The following RIN2 variants were observed in gnomAD, a reference collection of about 807,000 sequenced individuals.
RIN2 encodes the protein RAB5 interacting protein 2.
RIN2 carries 36 observed loss-of-function variants against 78.0 expected under a neutral mutation model. The observed-to-expected ratio is 0.46, with a 90% CI of 0.35 to 0.61. The LOEUF is 0.61. Ranked by LOEUF, RIN2 falls within the 20% of genes least tolerant of loss-of-function variation. RIN2 has a pLI of 0.00. For synonymous variants in RIN2, 466 were observed against 466.8 expected, an observed-to-expected ratio of 1.00 and a Z score of 0.02; for missense variants, 1,087 against 1,159.7, an observed-to-expected ratio of 0.94 and a Z score of 0.91.
chr20:19,993,559 C>T (rs926338759), intron 11 of RIN2, among the ~76,000 whole-genome samples: 1 of 152,080 alleles, frequency 6.6e-6, no homozygotes, highest in Non-Finnish European at 1.5e-5. Flanking sequence ...ATCTCTCCTC[C>T]CGTACCCGAT....
At chr20:19,880,781 C>T (rs972943616) in intron 2 of RIN2, among the ~76,000 whole-genome samples, 4 of 152,108 alleles carry the variant, frequency 2.6e-5, no homozygotes, top group Non-Finnish European at 4.4e-5. Flanking sequence ...CCAGGCAGCA[C>T]GTAAGGTATT....
intron 3 of RIN2, among the ~76,000 whole-genome samples, chr20:19,918,548 A>G (rs1190696505): frequency 1.3e-5 from 2 of 152,210 alleles, no homozygotes; most frequent in Non-Finnish European, 2.9e-5. Flanking sequence ...CTACCTTTGA[A>G]GGTTAGAGAT....
At chr20:19,966,477 C>T (rs1600977218) in intron 7 of RIN2, among the ~76,000 whole-genome samples, 1 of 152,136 alleles carries the variant, frequency 6.6e-6, no homozygotes, top group Non-Finnish European at 1.5e-5. Flanking sequence ...GCATGCACCA[C>T]CATGCCCAGC....
chr20:19,814,534 AG>A (rs1439280768), intron 2 of RIN2, among the ~76,000 whole-genome samples: 1 of 152,220 alleles, frequency 6.6e-6, no homozygotes, highest in Non-Finnish European at 1.5e-5. Flanking sequence ...ATCTCACCCC[AG>A]ATGTCCACCT....
At position 19,944,214 on chromosome 20, in the gene RIN2, A is replaced by C. The variant is rs563223733; in HGVS notation, c.158+9015A>C. Among the ~76,000 whole-genome samples the C allele has an allele frequency of 2.0e-5, 3 of 152,152 alleles. No individual in the cohort carries two copies. In the South Asian group the frequency reaches 6.2e-4, roughly 32 times the overall value. Reference sequence around the variant, plus strand: ...AGATTTTTAGTTGATAGATATCTTCAGTATGGGCCATTATTTTCTGTCTCT... The same window carrying C: ...AGATTTTTAGTTGATAGATATCTTCCGTATGGGCCATTATTTTCTGTCTCT... On this transcript the variant is annotated intron_variant, in intron 4 of 12. Coordinates refer to ENST00000255006, the MANE Select transcript of RIN2 (RefSeq NM_018993.4).
chr20:19,996,527 C>T (rs1005646691), intron 11 of RIN2, among the ~76,000 whole-genome samples, 152 bp from the exon 12 acceptor site: 3 of 152,122 alleles, frequency 2.0e-5, no homozygotes, highest in African/African-American at 7.2e-5. Flanking sequence ...GAGTGCCATG[C>T]TCTTGGGTGT....
chr20:19,889,177 C>T, intron 2 of RIN2: 2 of 985,422 alleles, frequency 2.0e-6, no homozygotes, highest in Non-Finnish European at 2.4e-6. Context: ...TGTACAGAAC[C>T]TCCTTCTTCA....
chr20:19,961,323 G>T (rs1394171250), intron 6 of RIN2, among the ~76,000 whole-genome samples: 3 of 152,212 alleles, frequency 2.0e-5, no homozygotes, highest in African/African-American at 4.8e-5. Context: ...ACCTTTTGAT[G>T]AACATTTTGA....
At chr20:19,956,948 C>A in intron 5 of RIN2, 141 bp downstream of exon 5, 1 of 689,234 alleles carries the variant, frequency 1.5e-6, no homozygotes, top group Non-Finnish European at 2.4e-6. Context: ...GTTTTCAATG[C>A]AGAAATATTC....
At chr20:19,953,000 G>A (rs1332907892) in intron 4 of RIN2, among the ~76,000 whole-genome samples, 1 of 152,180 alleles carries the variant, frequency 6.6e-6, no homozygotes, top group Non-Finnish European at 1.5e-5. Flanking sequence ...CCCCACACCT[G>A]CAGAAGCTGT....
At chr20:19,929,977 G>A (rs930566650) in intron 3 of RIN2, among the ~76,000 whole-genome samples, 19 of 151,966 alleles carry the variant, frequency 1.3e-4, no homozygotes, top group African/African-American at 4.4e-4. Flanking sequence ...ATTCTGAGAG[G>A]CAGGACTGGC....
At chr20:19,935,997 G>C (rs1568630559) in intron 4 of RIN2, among the ~76,000 whole-genome samples, 2 of 152,240 alleles carry the variant, frequency 1.3e-5, no homozygotes, top group Non-Finnish European at 2.9e-5. Flanking sequence ...GATTTATGGA[G>C]TAGGTTTTGC....
At position 19,996,313 on chromosome 20, in the gene RIN2, CAAAAACAAACAAACAA is replaced by C. The variant is rs534355352; in HGVS notation, c.2201-344_2201-329del. 2.2e-4 allele frequency among the ~76,000 whole-genome samples: 33 copies of C among 152,154 alleles called. No homozygotes were observed. In the East Asian group the frequency reaches 4.4e-3, roughly 20 times the overall value. ...TGGGTGACAAAGCAAGACGCCGTCTCAAAAACAAACAAACAAAAAAACAAACAAACAAAAAAAACAC... is the reference window on the plus strand; with the variant it reads ...TGGGTGACAAAGCAAGACGCCGTCTCAAAAACAAACAAACAAAAAAAACAC... On this transcript the variant is annotated intron_variant, in intron 11 of 12. Coordinates refer to ENST00000255006, the MANE Select transcript of RIN2 (RefSeq NM_018993.4).
At chr20:19,850,990 A>C (rs978374591) in intron 2 of RIN2, among the ~76,000 whole-genome samples, 1 of 99,264 alleles carries the variant, frequency 1.0e-5, no homozygotes, top group African/African-American at 4.1e-5. Flanking sequence ...GAAAGGGAGA[A>C]AAGGAAGGAA....
chr20:19,925,818 C>T (rs1321017803), intron 3 of RIN2, among the ~76,000 whole-genome samples: 1 of 152,328 alleles, frequency 6.6e-6, no homozygotes, highest in East Asian at 1.9e-4. Flanking sequence ...AGCAATGTGG[C>T]ACCAGCTCAG....
intron 2 of RIN2, among the ~76,000 whole-genome samples, chr20:19,831,107 G>T (rs1209285352): frequency 2.0e-5 from 3 of 152,116 alleles, no homozygotes; most frequent in Admixed American, 6.5e-5. Flanking sequence ...GAAGTACACA[G>T]ATGCCCCAGC....
chr20:19,760,339 G>A (rs1453570109), intron 1 of RIN2, among the ~76,000 whole-genome samples: 2 of 152,188 alleles, frequency 1.3e-5, no homozygotes, highest in East Asian at 3.9e-4. Flanking sequence ...CAAGACCTTT[G>A]TCTGGAAACA....
At chr20:19,915,967 C>G (rs1025005919) in intron 3 of RIN2, among the ~76,000 whole-genome samples, 1 of 152,180 alleles carries the variant, frequency 6.6e-6, no homozygotes, top group Non-Finnish European at 1.5e-5. Context: ...TCTGGCCGAG[C>G]GCTGTGGCTC....
chr20:19,836,896 G>T (rs2036434215), intron 2 of RIN2, among the ~76,000 whole-genome samples: 1 of 151,946 alleles, frequency 6.6e-6, no homozygotes, highest in African/African-American at 2.4e-5. Flanking sequence ...ATTATAAAAA[G>T]CAACAAAAAT....
Sources: allele counts gnomAD v4.1 joint callset (sites outside exome capture counted in the v4.1 genomes callset), GRCh38; gene constraint gnomAD v4.1.1; transcripts MANE v1.5; gene names NCBI Gene and HGNC (gene_info 2026-07-23, HGNC 2026-07-21).